Variants in DNMT3A observed in about 807,000 individuals in gnomAD.
DNMT3A encodes DNA (cytosine-5)-methyltransferase 3A.
In DNMT3A, 267 loss-of-function variants were observed where a neutral mutation model predicts 117.6. The observed-to-expected ratio is 2.27, with a 90% confidence interval of 2.05 to 2.51. DNMT3A has a LOEUF of 2.51. DNMT3A is among the 30% of genes most tolerant of loss of function. The pLI is 0.00. For missense variants in DNMT3A, 1,029 were observed against 1,260.2 expected, an observed-to-expected ratio of 0.82 and a Z score of 2.78; for synonymous variants, 432 against 474.8, an observed-to-expected ratio of 0.91 and a Z score of 1.17.
At chr2:25,309,000 C>G (rs530286778) in intron 2 of DNMT3A, among the ~76,000 whole-genome samples, 12 of 151,356 alleles carry the variant, frequency 7.9e-5, no homozygotes, top group Admixed American at 2.6e-4. Context: ...CACACACACA[C>G]GCACGCACAT....
chr2:25,236,876 C>A lies in DNMT3A; in HGVS notation c.2478+60G>T. ...GGACAAGGCCCTGGCCACCGCTCCA[C>A]CTCATCCTGCCCTTCCTTCTCCCTG... On this transcript the variant is annotated intron_variant, in intron 21 of 22. Transcript: ENST00000321117. The surrounding 1 kb of genome is among the most constrained non-coding windows in gnomAD (Gnocchi z 4.5). 6.4e-7 allele frequency: 1 copy of A among 1,556,358 alleles called. No homozygotes were observed. Among genetic ancestry groups the A allele is most frequent in the Non-Finnish European group, 8.7e-7 (1 of 1,144,054 alleles).
At chr2:25,301,749 C>A (rs925133012) in intron 2 of DNMT3A, among the ~76,000 whole-genome samples, 3 of 152,134 alleles carry the variant, frequency 2.0e-5, no homozygotes, top group East Asian at 1.9e-4. Flanking sequence ...GCTCTTCATA[C>A]CCTGCACGAT....
chr2:25,302,580 G>C (rs961945828), intron 2 of DNMT3A, among the ~76,000 whole-genome samples: 1 of 152,184 alleles, frequency 6.6e-6, no homozygotes, highest in African/African-American at 2.4e-5. Flanking sequence ...GTGGGAGGAG[G>C]AGCAAACTCG....
intron 4 of DNMT3A, among the ~76,000 whole-genome samples, chr2:25,279,022 G>A (rs571413628): frequency 6.6e-6 from 1 of 152,280 alleles, no homozygotes; most frequent in South Asian, 2.1e-4. Flanking sequence ...CTGGTCTATG[G>A]ACCACTGTGA....
intron 6 of DNMT3A, among the ~76,000 whole-genome samples, chr2:25,274,405 A>G (rs941510384): frequency 3.9e-5 from 6 of 152,114 alleles, no homozygotes; most frequent in Admixed American, 6.6e-5. Context: ...CAGGTCTCCA[A>G]CTGATGTGTG....
At chr2:25,333,380 A>G (rs2035085847) in intron 1 of DNMT3A, among the ~76,000 whole-genome samples, 1 of 150,082 alleles carries the variant, frequency 6.7e-6, no homozygotes, top group Non-Finnish European at 1.5e-5. Context: ...CCCAGGCTGG[A>G]GTGCAGTGGC....
chr2:25,234,242 A>C lies in DNMT3A; in HGVS notation c.*37T>G. 6.4e-7 allele frequency: 1 copy of C among 1,571,712 alleles called. No homozygotes were observed. The highest frequency in any genetic ancestry group is 8.7e-7 in the Non-Finnish European group (1 of 1,153,402). On this transcript the variant is annotated 3_prime_UTR_variant, in exon 23 of 23. Transcript: ENST00000321117. The surrounding 1 kb of genome is among the most constrained non-coding windows in gnomAD (Gnocchi z 4.5). Reference sequence around the variant, plus strand: ...TTTTGTGTTTTTTGTTTGTTTGTTTAACTTTGTGTCGCTACCTCAGTTTGC... The same window carrying C: ...TTTTGTGTTTTTTGTTTGTTTGTTTCACTTTGTGTCGCTACCTCAGTTTGC...
chr2:25,323,163 G>A (rs2034662071), intron 1 of DNMT3A, among the ~76,000 whole-genome samples: 2 of 152,128 alleles, frequency 1.3e-5, no homozygotes, highest in Admixed American at 1.3e-4. Context: ...TTTTATCGAT[G>A]CGATGGAAGG....
In DNMT3A at chr2:25,247,667, CA is replaced by C; in HGVS notation, c.937del (p.Trp313GlyfsTer3). The C allele has an allele frequency of 6.2e-7, 1 of 1,614,026 alleles. No individual in the cohort carries two copies. ...FSWWPGRIVS[W>X]WMTGRSRAAE... ...TGCTCGGCTCCGGCCCGTCATCCAC[CA>C]AGACACAATGCGGCCTGGCCACCAG... is the stretch of plus-strand genomic sequence containing the variant. On this transcript the variant is annotated frameshift_variant, in exon 8 of 23. Transcript: ENST00000321117. LOFTEE classifies it high-confidence loss of function. This position sits in a 1 kb window ranked among gnomAD's most constrained non-coding sequence, Gnocchi z 5.6.
intron 16 of DNMT3A, 130 bp downstream of exon 16, chr2:25,243,768 T>C: frequency 9.5e-7 from 1 of 1,054,720 alleles, no homozygotes; most frequent in Non-Finnish European, 1.4e-6. Context: ...ACACACAAGC[T>C]TCCCCTTTGG....
At position 25,248,132 on chromosome 2, in the gene DNMT3A, C is replaced by CGGGGTCAGTGGGCTGCTGCACAGCAG; in HGVS notation, c.734_759dup (p.Ala254LeufsTer71). 1 of 1,613,508 alleles carries CGGGGTCAGTGGGCTGCTGCACAGCAG rather than the reference C, an allele frequency of 6.2e-7. No homozygotes were observed. The highest frequency in any genetic ancestry group is 8.5e-7 in the Non-Finnish European group (1 of 1,179,898). ...GGCGTGGTAGCCACAGTGGGGGATG[C>CGGGGTCAGTGGGCTGCTGCACAGCAG]GGGGTCAGTGGGCTGCTGCACAGCA... On this transcript the variant is annotated frameshift_variant, in exon 7 of 23. Coordinates refer to ENST00000321117, the MANE Select transcript of DNMT3A (RefSeq NM_022552.5). LOFTEE classifies it high-confidence loss of function.
At chr2:25,240,561 CA>C (rs1400097496) in intron 18 of DNMT3A, 78 bp downstream of exon 18, 1 of 1,599,490 alleles carries the variant, frequency 6.3e-7, no homozygotes, top group Non-Finnish European at 8.5e-7. Context: ...ATAGCTGTCC[CA>C]GGGCAGAAAT....
chr2:25,248,121 A>G lies in DNMT3A; in HGVS notation c.771T>C (p.Thr257=), dbSNP rs1558674120. The change falls in exon 7 of 23, where the codon ACT becomes ACC. Residue 257 remains threonine, a synonymous_variant. Transcript: ENST00000321117. ...VQQPTDPASP[T]VATTPEPVGS... is the part of the protein sequence containing the mutation. ...CCACGGGCTCAGGCGTGGTAGCCAC[A>G]GTGGGGGATGCGGGGTCAGTGGGCT... 1.7e-5 allele frequency: 27 copies of G among 1,613,676 alleles called. No individual in the cohort carries two copies. The highest frequency in any genetic ancestry group is 2.3e-5 in the Non-Finnish European group (27 of 1,179,956).
chr2:25,316,930 C>T (rs1443285266), intron 1 of DNMT3A, among the ~76,000 whole-genome samples: 6 of 152,194 alleles, frequency 3.9e-5, no homozygotes, highest in African/African-American at 1.2e-4. Flanking sequence ...AAAACATCTT[C>T]GTATCACAGC....
chr2:25,248,195 G>T lies in DNMT3A; in HGVS notation c.697C>A (p.Pro233Thr). 6.2e-7 allele frequency: 1 copy of T among 1,613,296 alleles called. No individual in the cohort carries two copies. Among genetic ancestry groups the T allele is most frequent in the Non-Finnish European group, 8.5e-7 (1 of 1,179,800 alleles). ...GMNAVEENQG[P>T]GESQKVEEAS... ...TCCTCCACCTTCTGAGACTCCCCGG[G>T]CCCCTGGTTTTCTTCCACAGCATTC... Residue 233 changes from proline to threonine, a missense_variant, in exon 7 of 23, where the codon CCC becomes ACC. Transcript: ENST00000321117.
At chr2:25,299,171 G>A in intron 3 of DNMT3A, among the ~76,000 whole-genome samples, 1 of 152,248 alleles carries the variant, frequency 6.6e-6, no homozygotes, top group East Asian at 1.9e-4. Flanking sequence ...AATAATGACT[G>A]CTCCACATCT....
intron 2 of DNMT3A, among the ~76,000 whole-genome samples, chr2:25,303,828 G>A (rs936418604): frequency 6.6e-6 from 1 of 152,238 alleles, no homozygotes; most frequent in East Asian, 1.9e-4. Flanking sequence ...GGGCTAACAC[G>A]CCAAGAAGGG....
intron 3 of DNMT3A, among the ~76,000 whole-genome samples, chr2:25,289,090 G>A (rs912695612): frequency 6.6e-6 from 1 of 151,696 alleles, no homozygotes; most frequent in Admixed American, 6.6e-5. Context: ...TCGACTGTGA[G>A]CCTTGCCTTA....
chr2:25,271,471 C>T (rs1256194314), intron 6 of DNMT3A, among the ~76,000 whole-genome samples: 1 of 152,220 alleles, frequency 6.6e-6, no homozygotes, highest in Non-Finnish European at 1.5e-5. Flanking sequence ...CTGCATCTAG[C>T]CCCTTCCTAA....
Sources: gnomAD v4.1 joint callset for allele counts (sites outside exome capture counted in the v4.1 genomes callset) on GRCh38, gnomAD v4.1.1 for gene constraint, Gnocchi (gnomAD v3.1) non-coding constraint, MANE v1.5 for transcripts, NCBI Gene and HGNC (gene_info 2026-07-23, HGNC 2026-07-21) for gene names.